Variants in RBFOX2 observed in about 807,000 individuals in gnomAD.
The protein encoded by RBFOX2 is RNA binding protein fox-1 homolog 2.
Under a neutral mutation model 49.1 loss-of-function variants are expected in RBFOX2, and 10 were observed. That is an observed-to-expected ratio of 0.20 (90% confidence interval 0.13 to 0.35). The LOEUF (loss-of-function observed/expected upper bound fraction) is 0.35, where lower values mean the gene tolerates loss of function less well. Ranked by LOEUF, RBFOX2 falls within the 10% of genes least tolerant of loss-of-function variation. The probability of loss-of-function intolerance (pLI) is 1.00; values close to 1 mark genes in which losing one functional copy is unlikely to be tolerated. For missense variants in RBFOX2, 323 were observed against 486.9 expected (o/e 0.66, Z 3.17); for synonymous variants, 183 against 187.4 (o/e 0.98, Z 0.19).
intron 1 of RBFOX2, among the ~76,000 whole-genome samples, chr22:35,949,562 A>G (rs547679106): frequency 5.3e-5 from 8 of 152,240 alleles, no homozygotes; most frequent in African/African-American, 1.7e-4. Context: ...TCTTACTTAC[A>G]CTTGTTATTG....
At chr22:35,802,406 A>C (rs774927221) in intron 2 of RBFOX2, among the ~76,000 whole-genome samples, 11 of 152,234 alleles carry the variant, frequency 7.2e-5, no homozygotes, top group African/African-American at 1.2e-4. Context: ...AAGTTGTCAA[A>C]AACAGCCATT....
At chr22:35,904,889 T>A (rs2048960915) in intron 1 of RBFOX2, among the ~76,000 whole-genome samples, 1 of 152,224 alleles carries the variant, frequency 6.6e-6, no homozygotes, top group Non-Finnish European at 1.5e-5. Flanking sequence ...TAGCCACATG[T>A]CAAGTGCTCA....
intron 8 of RBFOX2, 130 bp downstream of exon 9, chr22:35,761,072 G>A (rs1218224181): frequency 1.3e-6 from 1 of 747,020 alleles, no homozygotes; most frequent in Admixed American, 2.7e-5. Flanking sequence ...AGGGCACTGG[G>A]ATAGTATTTA....
In RBFOX2 at chr22:35,863,591, T is replaced by C. The variant is rs578033416; in HGVS notation, c.-33-53587A>G. 5.2e-4 allele frequency among the ~76,000 whole-genome samples: 79 copies of C among 152,244 alleles called. 1 individual carries two copies. Among genetic ancestry groups the C allele is most frequent in the South Asian group, 3.5e-3 (17 of 4,822 alleles). On this transcript the variant is annotated intron_variant, in intron 1 of 13. Transcript: ENST00000359369. ...ACCTGACTCTCATACCTACTGGGGA[T>C]AGAGACAGGGCTCTAAGAGCAGCAA...
At chr22:35,857,124 G>C (rs1271417594) in intron 1 of RBFOX2, among the ~76,000 whole-genome samples, 1 of 152,210 alleles carries the variant, frequency 6.6e-6, no homozygotes, top group African/African-American at 2.4e-5. Context: ...GGTGGCAAAT[G>C]ACAAGAAAAG....
At chr22:35,963,059 CAAAAAAAAAAAAAAAAAA>C (rs34027896), upstream of RBFOX2, among the ~76,000 whole-genome samples, 5 of 33,590 alleles carry the variant, frequency 1.5e-4, 1 homozygote, top group South Asian at 4.8e-3. Context: ...AACTCTCCAG[CAAAAAAAAAAAAAAAAAA>C]AAAAAAAAAA....
At chr22:35,812,378 C>G (rs771528059) in intron 1 of RBFOX2, among the ~76,000 whole-genome samples, 8 of 151,842 alleles carry the variant, frequency 5.3e-5, no homozygotes, top group Admixed American at 2.0e-4. Context: ...CATATAACTT[C>G]TTTACGTTAT....
rs557487817 is a variant in RBFOX2 at position 35,928,407 on chromosome 22, T to A, written c.-34+10440A>T. ...CATGCAGAAAGCAGCACAATTTCTC[T>A]TCATCACATGAAGAGCTTTCCTGCC... On this transcript the variant is annotated intron_variant, in intron 1 of 13. Coordinates refer to the RBFOX2 transcript ENST00000359369. 9.5e-4 allele frequency among the ~76,000 whole-genome samples: 145 copies of A among 152,290 alleles called. 2 individuals carry two copies. Among genetic ancestry groups the A allele is most frequent in the African/African-American group, 3.5e-3 (145 of 41,562 alleles).
chr22:35,961,466 TC>T, intron 1 of RBFOX2: 1 of 1,249,916 alleles, frequency 8.0e-7, no homozygotes, highest in South Asian at 1.3e-5. Flanking sequence ...GACCGACCTC[TC>T]TGCTTGAACT....
At chr22:35,900,061 C>T (rs4821451) in intron 1 of RBFOX2, among the ~76,000 whole-genome samples, 124,213 of 152,152 alleles carry the variant, frequency 0.82, 51,528 homozygotes, top group African/African-American at 0.95. Flanking sequence ...CAGAAAGGGT[C>T]TGGAGCCACA....
At chr22:35,833,983 TG>T (rs1228815570) in intron 1 of RBFOX2, among the ~76,000 whole-genome samples, 1 of 152,228 alleles carries the variant, frequency 6.6e-6, no homozygotes, top group Non-Finnish European at 1.5e-5. Context: ...TATTCAACAA[TG>T]AATTCCATTA....
chr22:35,876,335 C>A (rs2045083863), intron 1 of RBFOX2, among the ~76,000 whole-genome samples: 1 of 152,086 alleles, frequency 6.6e-6, no homozygotes. Context: ...AAGGTATTCT[C>A]CTGCCTCAGC....
At chr22:36,009,115 T>C (rs2058721269) in intron 1 of RBFOX2, among the ~76,000 whole-genome samples, 1 of 152,204 alleles carries the variant, frequency 6.6e-6, no homozygotes, top group South Asian at 2.1e-4. Flanking sequence ...CTAGAAGTCT[T>C]TCAGTGAACA....
chr22:36,026,541 T>TAC (rs3075271), intron 1 of RBFOX2, among the ~76,000 whole-genome samples: 15,642 of 136,448 alleles, frequency 0.11, 840 homozygotes, highest in Admixed American at 0.18. Context: ...AATGAATACA[T>TAC]ACACACACAC....
At chr22:35,844,824 C>A (rs999086825), upstream of RBFOX2, among the ~76,000 whole-genome samples, 1 of 151,944 alleles carries the variant, frequency 6.6e-6, no homozygotes, top group Non-Finnish European at 1.5e-5. Context: ...GTTTTATTTT[C>A]AGTATCTTTC....
intron 1 of RBFOX2, among the ~76,000 whole-genome samples, chr22:35,971,952 C>T (rs1288854918): frequency 6.9e-6 from 1 of 145,724 alleles, no homozygotes; most frequent in African/African-American, 2.5e-5. Flanking sequence ...TCTCTAAAAC[C>T]ACTTAGCTCA....
At chr22:35,909,269 G>A (rs1311927291) in intron 1 of RBFOX2, among the ~76,000 whole-genome samples, 2 of 152,066 alleles carry the variant, frequency 1.3e-5, no homozygotes, top group African/African-American at 4.8e-5. Context: ...ACCAGCCTAA[G>A]CCACATAGCA....
chr22:35,860,238 T>C (rs2042959725), intron 1 of RBFOX2, among the ~76,000 whole-genome samples: 1 of 152,148 alleles, frequency 6.6e-6, no homozygotes, highest in African/African-American at 2.4e-5. Context: ...TCACTGAGGC[T>C]TGCCCTCTCT....
chr22:36,006,668 G>A (rs896807911), intron 1 of RBFOX2, among the ~76,000 whole-genome samples: 25 of 152,228 alleles, frequency 1.6e-4, no homozygotes, highest in Admixed American at 1.5e-3. Context: ...TCCCTTGCTC[G>A]CATGCCCTCC....
Sources: gnomAD v4.1 joint callset for allele counts (sites outside exome capture counted in the v4.1 genomes callset) on GRCh38, gnomAD v4.1.1 for gene constraint, MANE v1.5 for transcripts, NCBI Gene and HGNC (gene_info 2026-07-23, HGNC 2026-07-21) for gene names.